Variants in OXR1 observed in about 807,000 individuals in gnomAD.
OXR1 encodes oxidation resistance protein 1.
OXR1 carries 41 observed loss-of-function variants against 104.6 expected under a neutral mutation model. That is an observed-to-expected ratio of 0.39 (90% CI 0.31 to 0.51). The LOEUF (loss-of-function observed/expected upper bound fraction) is 0.51, where lower values mean the gene tolerates loss of function less well. Among genes scored for constraint, OXR1 ranks in the 20% least tolerant of loss-of-function variants. The pLI is 0.77. For missense variants in OXR1, 955 were observed against 1,031.9 expected (o/e 0.93, Z 1.02); for synonymous variants, 348 against 348.4 (o/e 1.00, Z 0.01).
chr8:106,317,734 TCTTTTTGTAG>T (rs1814029939), intron 1 of OXR1, among the ~76,000 whole-genome samples: 1 of 151,824 alleles, frequency 6.6e-6, no homozygotes, highest in Non-Finnish European at 1.5e-5. Context: ...CTTCAGAATA[TCTTTTTGTAG>T]GAAAACTCTC....
At chr8:106,514,105 C>T (rs1179167397) in intron 2 of OXR1, among the ~76,000 whole-genome samples, 2 of 152,156 alleles carry the variant, frequency 1.3e-5, no homozygotes, top group Non-Finnish European at 2.9e-5. Context: ...GAATGCAAAG[C>T]ACATTCAACA....
At position 106,697,205 on chromosome 8, in the gene OXR1, G is replaced by C. The variant is rs1830126590; in HGVS notation, c.675+4328G>C. Among the ~76,000 whole-genome samples, 4 of 152,272 alleles carry C rather than the reference G, an allele frequency of 2.6e-5. No individual in the cohort carries two copies. In the South Asian group the frequency reaches 8.3e-4, roughly 32 times the overall value. ...CCCAGGGGAAAAGAAGAGGCCAGTT[G>C]GTCCAGTTTTGATGGGTATGGGGAA... On this transcript the variant is annotated intron_variant, in intron 7 of 16. Coordinates refer to ENST00000517566, the MANE Select transcript of OXR1 (RefSeq NM_001198533.2).
intron 3 of OXR1, among the ~76,000 whole-genome samples, chr8:106,608,986 T>C (rs1820607505): frequency 6.6e-6 from 1 of 152,202 alleles, no homozygotes; most frequent in African/African-American, 2.4e-5. Context: ...TAAAGCCCAT[T>C]TTGTAGAATG....
chr8:106,604,137 G>A (rs1264306595), intron 3 of OXR1, among the ~76,000 whole-genome samples: 1 of 152,098 alleles, frequency 6.6e-6, no homozygotes, highest in African/African-American at 2.4e-5. Flanking sequence ...TAAAAAGCAG[G>A]TGTATACCGT....
At chr8:106,726,620 A>T (rs543683851) in intron 11 of OXR1, among the ~76,000 whole-genome samples, 23 of 152,216 alleles carry the variant, frequency 1.5e-4, no homozygotes, top group Admixed American at 2.6e-4. Flanking sequence ...AAAAATATTC[A>T]GAATTTTCTC....
rs766954985 is a variant in OXR1 at position 106,739,476 on chromosome 8, A to G, written c.2056A>G (p.Ile686Val). Residue 686 changes from isoleucine to valine, a missense_variant, in exon 13 of 17, where the codon ATA becomes GTA. By Grantham distance (29) the Ile-to-Val change is conservative. Around this residue, in one of 2 missense-constraint regions of OXR1, gnomAD observed 849 missense variants for 852.9 expected, o/e 1.00. Coordinates refer to ENST00000517566, the MANE Select transcript of OXR1 (RefSeq NM_001198533.2). Reference sequence around the variant, plus strand: ...GTTTTAGATTACTACAAGGGAAGACATAAATTCAAAGCAGGTTGCTACAGT... The same window carrying G: ...GTTTTAGATTACTACAAGGGAAGACGTAAATTCAAAGCAGGTTGCTACAGT... ...RRLQITTRED[I>V]NSKQVATVKA... 1.2e-6 allele frequency: 2 copies of G among 1,612,844 alleles called. No individual in the cohort carries two copies. Among genetic ancestry groups the G allele is most frequent in the Non-Finnish European group, 1.7e-6 (2 of 1,179,092 alleles).
chr8:106,696,317 A>G (rs983913056), intron 7 of OXR1, among the ~76,000 whole-genome samples: 1 of 152,180 alleles, frequency 6.6e-6, no homozygotes, highest in African/African-American at 2.4e-5. Flanking sequence ...AATTCTTTTT[A>G]CTAATATTAC....
intron 3 of OXR1, among the ~76,000 whole-genome samples, chr8:106,547,102 G>A (rs1195544011): frequency 6.6e-6 from 1 of 152,112 alleles, no homozygotes; most frequent in Admixed American, 6.6e-5. Context: ...TGTTGGCCAG[G>A]ATGGTCTTGA....
intron 3 of OXR1, among the ~76,000 whole-genome samples, chr8:106,579,856 C>G (rs1818109695): frequency 6.6e-6 from 1 of 151,728 alleles, no homozygotes; most frequent in African/African-American, 2.4e-5. Context: ...GTTTCAAGTC[C>G]AAAAAGTTTC....
chr8:106,693,113 C>G (rs1003883839), intron 7 of OXR1, among the ~76,000 whole-genome samples: 1 of 152,026 alleles, frequency 6.6e-6, no homozygotes, highest in African/African-American at 2.4e-5. Context: ...TAAGGCACAG[C>G]TAAGTTGCTG....
intron 1 of OXR1, among the ~76,000 whole-genome samples, chr8:106,319,075 G>T (rs974278987): frequency 4.6e-5 from 7 of 152,100 alleles, no homozygotes; most frequent in Non-Finnish European, 1.0e-4. Context: ...CCAAACTGTG[G>T]ACATCATAAA....
chr8:106,686,341 G>C (rs900103643), intron 6 of OXR1, among the ~76,000 whole-genome samples: 2 of 150,378 alleles, frequency 1.3e-5, no homozygotes, highest in Admixed American at 1.3e-4. Context: ...TCTTTACATG[G>C]AATGATACTC....
At chr8:106,514,481 G>A (rs976043779) in intron 2 of OXR1, among the ~76,000 whole-genome samples, 1 of 152,086 alleles carries the variant, frequency 6.6e-6, no homozygotes, top group Non-Finnish European at 1.5e-5. Context: ...GAACAAAAAC[G>A]TGATGCCCTT....
chr8:106,299,446 A>G (rs1221149232), intron 1 of OXR1, among the ~76,000 whole-genome samples: 1 of 152,174 alleles, frequency 6.6e-6, no homozygotes, highest in Non-Finnish European at 1.5e-5. Flanking sequence ...CTAATACTGT[A>G]TCTGTTGGAG....
At chr8:106,397,527 G>A (rs1229956932) in intron 2 of OXR1, among the ~76,000 whole-genome samples, 1 of 151,770 alleles carries the variant, frequency 6.6e-6, no homozygotes, top group South Asian at 2.1e-4. Flanking sequence ...TATAGTCTCC[G>A]TGGGATTTTT....
intron 3 of OXR1, among the ~76,000 whole-genome samples, chr8:106,626,610 CACTT>C (rs35978834): frequency 0.17 from 24,226 of 144,052 alleles, 2,133 homozygotes; most frequent in East Asian, 0.38. Context: ...TTTTTTTTAA[CACTT>C]ACACATTTAT....
intron 3 of OXR1, among the ~76,000 whole-genome samples, chr8:106,566,995 TAGG>T (rs1326055496): frequency 6.6e-6 from 1 of 152,034 alleles, no homozygotes; most frequent in Non-Finnish European, 1.5e-5. Context: ...GGGACAGCAT[TAGG>T]AGAAGTACCT....
intron 3 of OXR1, among the ~76,000 whole-genome samples, chr8:106,609,531 A>G (rs1349849976): frequency 2.0e-5 from 3 of 152,222 alleles, no homozygotes; most frequent in Non-Finnish European, 2.9e-5. Flanking sequence ...ACTATTCTAC[A>G]TAGGTCTTAG....
chr8:106,489,605 ATAAAT>A (rs1474647587), intron 2 of OXR1, among the ~76,000 whole-genome samples: 1 of 152,220 alleles, frequency 6.6e-6, no homozygotes, highest in Non-Finnish European at 1.5e-5. Flanking sequence ...GGAATATTAA[ATAAAT>A]TAGTGATGAT....
Sources: allele counts gnomAD v4.1 joint callset (sites outside exome capture counted in the v4.1 genomes callset), GRCh38; gene constraint gnomAD v4.1.1; regional missense constraint gnomAD v4.1.1; transcripts MANE v1.5; gene names NCBI Gene and HGNC (gene_info 2026-07-23, HGNC 2026-07-21).